The following PACRG variants were observed in gnomAD, a reference collection of about 807,000 sequenced individuals.
PACRG encodes parkin coregulated gene protein.
In PACRG, 29 loss-of-function variants were observed where a neutral mutation model predicts 29.7. The ratio of observed to expected loss-of-function variants is 0.98; its 90% confidence interval spans 0.73 to 1.33. The LOEUF (loss-of-function observed/expected upper bound fraction) is 1.33. PACRG is among the 40% of genes most tolerant of loss of function. PACRG has a pLI of 0.00. For missense variants in PACRG, 279 were observed against 316.2 expected, an observed-to-expected ratio of 0.88 and a Z score of 0.89; for synonymous variants, 116 against 118.7, an observed-to-expected ratio of 0.98 and a Z score of 0.15.
At chr6:162,849,107 G>A (rs1286536137) in intron 2 of PACRG, among the ~76,000 whole-genome samples, 21 of 152,168 alleles carry the variant, frequency 1.4e-4, no homozygotes, top group Admixed American at 6.5e-4. Flanking sequence ...AGTGTTTACC[G>A]TAACACGAAA....
At chr6:162,939,550 T>G (rs1325885246) in intron 2 of PACRG, among the ~76,000 whole-genome samples, 1 of 152,120 alleles carries the variant, frequency 6.6e-6, no homozygotes, top group African/African-American at 2.4e-5. Flanking sequence ...GTGTTTTTCT[T>G]TATTCCTTAC....
At position 162,841,631 on chromosome 6, in the gene PACRG, C is replaced by T. The variant is rs564335211; in HGVS notation, c.291+27350C>T. ...TCTGATTTTAGTTATTTCTTGCCTT[C>T]TGCTAGCTTTTGAATGTGTTTGCTC... On this transcript the variant is annotated intron_variant, in intron 2 of 4. Coordinates refer to ENST00000366888, the MANE Select transcript of PACRG (RefSeq NM_001080379.2). Among the ~76,000 whole-genome samples, 598 of 148,898 alleles carry T rather than the reference C, an allele frequency of 4.0e-3. 4 individuals carry two copies. Among genetic ancestry groups the T allele is most frequent in the Middle Eastern group, 0.014 (4 of 292 alleles).
At position 163,266,963 on chromosome 6, in the gene PACRG, G is replaced by A. The variant is rs554766482; in HGVS notation, c.614-47864G>A. On this transcript the variant is annotated intron_variant, in intron 4 of 4. Coordinates refer to ENST00000366888, the MANE Select transcript of PACRG (RefSeq NM_001080379.2). ...ATGGCTTAACTTCAACATGGAACAC[G>A]TCTGTCACACAGGAAGCTGCGTGCC... Among the ~76,000 whole-genome samples, 63 of 152,272 alleles carry A rather than the reference G, an allele frequency of 4.1e-4. 2 individuals carry two copies. The South Asian group carries it at 0.012, about 29-fold the overall frequency.
intron 3 of PACRG, among the ~76,000 whole-genome samples, chr6:163,080,915 C>T (rs891723024): frequency 1.4e-4 from 22 of 152,018 alleles, no homozygotes; most frequent in African/African-American, 5.3e-4. Flanking sequence ...AACTTGAAAA[C>T]AATGAATTAA....
At chr6:162,773,493 CATTTTTTT>C (rs1783385148) in intron 1 of PACRG, among the ~76,000 whole-genome samples, 1 of 82,728 alleles carries the variant, frequency 1.2e-5, no homozygotes, top group African/African-American at 4.8e-5. Flanking sequence ...TACAGCTTGT[CATTTTTTT>C]TTTTTTTTTT....
At chr6:163,032,294 C>A (rs1807741413) in intron 2 of PACRG, among the ~76,000 whole-genome samples, 1 of 152,142 alleles carries the variant, frequency 6.6e-6, no homozygotes. Context: ...CAGTTAACTT[C>A]TGTTTGATAT....
intron 4 of PACRG, among the ~76,000 whole-genome samples, chr6:163,127,613 T>TATAG (rs1289150631): frequency 1.3e-5 from 2 of 152,234 alleles, no homozygotes; most frequent in Non-Finnish European, 2.9e-5. Flanking sequence ...CTTCCTGGGC[T>TATAG]ATAGAATTAG....
At chr6:162,949,337 T>C (rs1799478379) in intron 2 of PACRG, among the ~76,000 whole-genome samples, 1 of 152,144 alleles carries the variant, frequency 6.6e-6, no homozygotes, top group African/African-American at 2.4e-5. Context: ...GAATTATAGA[T>C]ACCAGAGACT....
chr6:162,905,542 ACAGT>A (rs1450723298), intron 2 of PACRG, among the ~76,000 whole-genome samples: 1 of 152,280 alleles, frequency 6.6e-6, no homozygotes, highest in East Asian at 1.9e-4. Flanking sequence ...GCCGAGAGAG[ACAGT>A]CAGGAGGACC....
intron 2 of PACRG, among the ~76,000 whole-genome samples, chr6:162,972,660 CATGAG>C (rs1385855420): frequency 6.6e-6 from 1 of 152,180 alleles, no homozygotes; most frequent in Non-Finnish European, 1.5e-5. Flanking sequence ...GAAGTGAAAG[CATGAG>C]TCTCCCATAT....
At chr6:163,160,419 A>T (rs148574723) in intron 4 of PACRG, among the ~76,000 whole-genome samples, 2 of 152,274 alleles carry the variant, frequency 1.3e-5, no homozygotes, top group East Asian at 3.9e-4. Flanking sequence ...CACAGAGTTA[A>T]CTCAAGTATA....
intron 2 of PACRG, among the ~76,000 whole-genome samples, chr6:162,998,786 A>G (rs1401769273): frequency 6.6e-6 from 1 of 152,200 alleles, no homozygotes; most frequent in Non-Finnish European, 1.5e-5. Context: ...TCCATCCTAT[A>G]TGTTATATGA....
chr6:163,094,803 G>A (rs1304056458), intron 4 of PACRG, among the ~76,000 whole-genome samples: 1 of 152,176 alleles, frequency 6.6e-6, no homozygotes, highest in Non-Finnish European at 1.5e-5. Flanking sequence ...TGTTTTGAAA[G>A]GAAATTTACA....
intron 1 of PACRG, 95 bp downstream of exon 1, chr6:162,728,486 G>A: frequency 6.9e-7 from 1 of 1,450,914 alleles, no homozygotes; most frequent in Non-Finnish European, 9.3e-7. Context: ...TCTGAGCCAT[G>A]TCCTGGGTGG....
intron 4 of PACRG, among the ~76,000 whole-genome samples, chr6:163,299,301 G>A (rs940206906): frequency 1.1e-4 from 16 of 152,230 alleles, no homozygotes; most frequent in African/African-American, 3.6e-4. Flanking sequence ...GGCAGGCCAT[G>A]TGGCCAAATG....
intron 1 of PACRG, among the ~76,000 whole-genome samples, chr6:162,749,677 T>C (rs1467830775): frequency 6.6e-6 from 1 of 152,042 alleles, no homozygotes; most frequent in African/African-American, 2.4e-5. Context: ...TGCACCACCA[T>C]GCCCAACTGA....
chr6:163,164,442 C>T (rs1289884934), intron 4 of PACRG, among the ~76,000 whole-genome samples: 1 of 152,216 alleles, frequency 6.6e-6, no homozygotes, highest in East Asian at 1.9e-4. Flanking sequence ...GGACAAGACT[C>T]TGCCTCAATT....
chr6:163,001,656 G>T (rs768130400), intron 2 of PACRG, among the ~76,000 whole-genome samples: 4 of 151,922 alleles, frequency 2.6e-5, no homozygotes, highest in African/African-American at 4.8e-5. Flanking sequence ...TGTTACTTTA[G>T]GGAATTGTCT....
At chr6:162,874,009 T>C (rs1431443118) in intron 2 of PACRG, among the ~76,000 whole-genome samples, 2 of 152,076 alleles carry the variant, frequency 1.3e-5, no homozygotes, top group Admixed American at 6.5e-5. Flanking sequence ...GATTGTGCAC[T>C]TCCATGTCAG....
Sources: allele counts gnomAD v4.1 joint callset (sites outside exome capture counted in the v4.1 genomes callset), GRCh38; gene constraint gnomAD v4.1.1; transcripts MANE v1.5; gene names NCBI Gene and HGNC (gene_info 2026-07-23, HGNC 2026-07-21).